The following TBC1D2B variants were observed in gnomAD, a reference collection of about 807,000 sequenced individuals.
TBC1D2B encodes TBC1 domain family member 2B.
A neutral mutation model predicts 100.8 loss-of-function variants in TBC1D2B; 64 were observed. The ratio of observed to expected loss-of-function variants is 0.64; its 90% CI spans 0.52 to 0.78. The LOEUF (loss-of-function observed/expected upper bound fraction) is 0.78. Among genes scored for constraint, TBC1D2B ranks in the 30% least tolerant of loss-of-function variants. The pLI is 0.00. For synonymous variants in TBC1D2B, 480 were observed against 479.7 expected (o/e 1.00, Z -0.01); for missense variants, 1,052 against 1,218.4 (o/e 0.86, Z 2.03).
In TBC1D2B at chr15:78,040,880, AAGAGAGAG is replaced by A. The variant is rs374888157; in HGVS notation, c.683+4012_683+4019del. Among the ~76,000 whole-genome samples, 175 of 147,844 alleles carry A rather than the reference AAGAGAGAG, an allele frequency of 1.2e-3. 7 individuals carry two copies. Among genetic ancestry groups the A allele is most frequent in the East Asian group, 2.0e-3 (10 of 4,980 alleles). ...GAAGAAAGAAAGAAAGAAAGAAAGAAAGAGAGAGAGAGAGAAAGAAAGAAAGAAAGAAA... is the reference window on the plus strand; with the variant it reads ...GAAGAAAGAAAGAAAGAAAGAAAGAAAGAGAGAAAGAAAGAAAGAAAGAAA... On this transcript the variant is annotated intron_variant, in intron 3 of 12. Transcript: ENST00000300584.
chr15:77,996,486 T>A lies in TBC1D2B; in HGVS notation c.*1674A>T, dbSNP rs573658844. The stretch of plus-strand genomic sequence containing the variant: ...TGCAACGCCCAGCTCACAGGACAAC[T>A]GAAGGAGTCAGACCTCAAACTGCTG... On this transcript the variant is annotated 3_prime_UTR_variant, in exon 13 of 13. Coordinates refer to ENST00000300584, the MANE Select transcript of TBC1D2B (RefSeq NM_144572.2). 2 of 152,268 alleles carry A rather than the reference T, an allele frequency of 1.3e-5. No individual in the cohort carries two copies. Among genetic ancestry groups the A allele is most frequent in the East Asian group, 3.9e-4 (2 of 5,172 alleles). 9.4% of individuals were successfully genotyped at this position (152,268 alleles called of 1,614,324 possible).
intron 2 of TBC1D2B, among the ~76,000 whole-genome samples, chr15:78,051,446 T>C (rs1198241453): frequency 2.0e-5 from 3 of 152,154 alleles, no homozygotes; most frequent in Non-Finnish European, 2.9e-5. Context: ...TGACAACTAG[T>C]AAATATCCCC....
chr15:78,032,631 G>GA (rs1278182437), intron 3 of TBC1D2B, among the ~76,000 whole-genome samples: 5 of 141,738 alleles, frequency 3.5e-5, no homozygotes, highest in East Asian at 4.1e-4. Flanking sequence ...CTAAAAGCTA[G>GA]AAAAAAAAGA....
chr15:78,077,215 G>A lies in TBC1D2B; in HGVS notation c.360+78C>T. The A allele has an allele frequency of 5.0e-6, 7 of 1,389,940 alleles. No individual in the cohort carries two copies. In the South Asian group the frequency reaches 8.0e-5, roughly 16 times the overall value. 86.1% of individuals were successfully genotyped at this position (1,389,940 alleles called of 1,614,324 possible). A position where few individuals can be genotyped will look rare whatever the true frequency, so the allele number is the denominator to read the frequency against. ...GCGAGGAGGCCTTGGAGGAAGGAGG[G>A]TGGATGGCGCAAGCCAGTGGCGGAG... On this transcript the variant is annotated intron_variant, in intron 1 of 12. Coordinates refer to ENST00000300584, the MANE Select transcript of TBC1D2B (RefSeq NM_144572.2).
chr15:78,065,833 T>G (rs376500903), intron 1 of TBC1D2B, among the ~76,000 whole-genome samples: 1 of 152,094 alleles, frequency 6.6e-6, no homozygotes, highest in South Asian at 2.1e-4. Flanking sequence ...ACCAGAGATT[T>G]GGGAGGCAGT....
intron 1 of TBC1D2B, among the ~76,000 whole-genome samples, chr15:78,068,681 G>A (rs1238447450): frequency 2.0e-5 from 3 of 152,156 alleles, no homozygotes; most frequent in Non-Finnish European, 4.4e-5. Context: ...AGTCTCCCCA[G>A]GGATCCTCTC....
At chr15:78,027,649 G>A (rs2072705148) in intron 4 of TBC1D2B, among the ~76,000 whole-genome samples, 1 of 152,276 alleles carries the variant, frequency 6.6e-6, no homozygotes, top group South Asian at 2.1e-4. Flanking sequence ...CAAGGTGCAG[G>A]GAGTTTCTCC....
intron 8 of TBC1D2B, among the ~76,000 whole-genome samples, chr15:78,015,094 A>G (rs368025055): frequency 0.014 from 2,084 of 152,210 alleles, 64 homozygotes; most frequent in African/African-American, 0.048. Flanking sequence ...CCAGCCACTC[A>G]GGAGGCTGAG....
chr15:78,041,265 T>C (rs146476565), intron 3 of TBC1D2B, among the ~76,000 whole-genome samples: 193 of 152,380 alleles, frequency 1.3e-3, no homozygotes, highest in African/African-American at 4.5e-3. Context: ...AAATATCTCA[T>C]TGAATTACAT....
At chr15:78,003,981 C>T (rs1027477982) in intron 10 of TBC1D2B, among the ~76,000 whole-genome samples, 6 of 152,154 alleles carry the variant, frequency 3.9e-5, no homozygotes, top group Admixed American at 1.3e-4. Flanking sequence ...GCGAGGACTC[C>T]GGCGTCACAT....
chr15:78,018,175 G>A (rs926163976), intron 6 of TBC1D2B, among the ~76,000 whole-genome samples: 1 of 152,194 alleles, frequency 6.6e-6, no homozygotes. Flanking sequence ...CCGTAACGGA[G>A]ATGGAGAAGA....
At chr15:77,998,663 C>T (rs1034833603) in intron 12 of TBC1D2B, 3 of 307,180 alleles carry the variant, frequency 9.8e-6, no homozygotes, top group African/African-American at 2.2e-5. Flanking sequence ...GTAGTGCCAC[C>T]TCCTAGGGTG....
At chr15:78,030,810 A>T (rs2072789579) in intron 3 of TBC1D2B, among the ~76,000 whole-genome samples, 1 of 152,272 alleles carries the variant, frequency 6.6e-6, no homozygotes, top group Admixed American at 6.5e-5. Context: ...AGAAAAAAAT[A>T]AAAAGGTACA....
chr15:78,030,747 T>C (rs1330920632), intron 3 of TBC1D2B, among the ~76,000 whole-genome samples: 5 of 152,178 alleles, frequency 3.3e-5, no homozygotes, highest in Non-Finnish European at 7.3e-5. Context: ...AATTCTTACA[T>C]ATGTGCACAA....
intron 3 of TBC1D2B, among the ~76,000 whole-genome samples, chr15:78,038,215 A>G (rs2072994375): frequency 6.6e-6 from 1 of 152,214 alleles, no homozygotes; most frequent in South Asian, 2.1e-4. Flanking sequence ...AACCAGAGAC[A>G]AGACAGATAG....
At chr15:78,037,393 G>A (rs11633329) in intron 3 of TBC1D2B, among the ~76,000 whole-genome samples, 135,869 of 152,226 alleles carry the variant, frequency 0.89, 61,242 homozygotes, top group East Asian at 0.99. Flanking sequence ...AACCATCACC[G>A]GCCTCTCCCA....
chr15:78,013,222 TAG>T lies in TBC1D2B; in HGVS notation c.1869_1870del (p.Tyr624ProfsTer64), dbSNP rs1567015676. 2.5e-6 allele frequency: 4 copies of T among 1,613,992 alleles called. No individual in the cohort carries two copies. The highest frequency in any genetic ancestry group is 3.3e-5 in the Admixed American group (2 of 60,020). ...GGAGACTTCCTGGTTTTCTGTGAGG[TAG>T]AGAGTCTTCAGATCCAACGCGCGGA... On this transcript the variant is annotated frameshift_variant, in exon 9 of 13. Coordinates refer to ENST00000300584, the MANE Select transcript of TBC1D2B (RefSeq NM_144572.2). LOFTEE classifies it high-confidence loss of function.
At chr15:78,058,237 G>A (rs902081340) in intron 1 of TBC1D2B, among the ~76,000 whole-genome samples, 4 of 152,150 alleles carry the variant, frequency 2.6e-5, no homozygotes, top group Admixed American at 2.6e-4. Flanking sequence ...ATTCCATTTT[G>A]AGAGCCAAGG....
chr15:78,014,655 TAGG>T (rs1296765956), intron 8 of TBC1D2B, among the ~76,000 whole-genome samples: 2 of 152,094 alleles, frequency 1.3e-5, no homozygotes, highest in Non-Finnish European at 2.9e-5. Context: ...GAGGCTGATG[TAGG>T]AGAACTGCTT....
Sources: allele counts gnomAD v4.1 joint callset (sites outside exome capture counted in the v4.1 genomes callset), GRCh38; gene constraint gnomAD v4.1.1; transcripts MANE v1.5; gene names NCBI Gene and HGNC (gene_info 2026-07-23, HGNC 2026-07-21).